Variants in EMCN observed in about 807,000 individuals in gnomAD.
The protein encoded by EMCN is MUC-14.
In EMCN, 37 loss-of-function variants were observed where a neutral mutation model predicts 38.4. The ratio of observed to expected loss-of-function variants is 0.96; its 90% CI spans 0.74 to 1.27. The LOEUF (loss-of-function observed/expected upper bound fraction) is 1.27. Among genes scored for constraint, EMCN ranks in the 50% most tolerant of loss-of-function variants. EMCN has a pLI of 0.00. For synonymous variants in EMCN, 95 were observed against 100.8 expected, an observed-to-expected ratio of 0.94 and a Z score of 0.35; for missense variants, 318 against 302.8, an observed-to-expected ratio of 1.05 and a Z score of -0.37.
chr4:100,414,969 T>C (rs764246185), intron 10 of EMCN, among the ~76,000 whole-genome samples: 36 of 152,150 alleles, frequency 2.4e-4, no homozygotes, highest in Non-Finnish European at 3.5e-4. Flanking sequence ...CGTGGCACGA[T>C]CTTGCAGCTT....
chr4:100,515,460 C>G (rs558255952), intron 1 of EMCN, among the ~76,000 whole-genome samples: 3 of 152,066 alleles, frequency 2.0e-5, no homozygotes, highest in Non-Finnish European at 4.4e-5. Context: ...AACTCACTGA[C>G]TGTGATGTAG....
At chr4:100,409,596 T>C (rs1726492600) in intron 11 of EMCN, among the ~76,000 whole-genome samples, 1 of 152,228 alleles carries the variant, frequency 6.6e-6, no homozygotes, top group South Asian at 2.1e-4. Flanking sequence ...TGGAGGGCTC[T>C]GTTGCTTGGC....
intron 5 of EMCN, among the ~76,000 whole-genome samples, chr4:100,446,422 A>C (rs1382323425): frequency 6.6e-6 from 1 of 152,156 alleles, no homozygotes; most frequent in East Asian, 1.9e-4. Flanking sequence ...AAATTCCTTG[A>C]ACACAAGAGG....
At chr4:100,493,846 G>A (rs1418862475) in intron 1 of EMCN, among the ~76,000 whole-genome samples, 2 of 152,140 alleles carry the variant, frequency 1.3e-5, no homozygotes, top group Non-Finnish European at 2.9e-5. Context: ...TAGCATCACA[G>A]GACAAATCCA....
chr4:100,453,384 A>T (rs1255383735), intron 4 of EMCN, among the ~76,000 whole-genome samples: 1 of 152,236 alleles, frequency 6.6e-6, no homozygotes, highest in Non-Finnish European at 1.5e-5. Flanking sequence ...CACTTCTCAA[A>T]AGAAGACATT....
At position 100,397,940 on chromosome 4, in the gene EMCN, G is replaced by C. The variant is rs547549635; in HGVS notation, c.*473C>G. On this transcript the variant is annotated 3_prime_UTR_variant, in exon 12 of 12. Coordinates refer to ENST00000296420, the MANE Select transcript of EMCN (RefSeq NM_016242.4). ...TTCTACCTAATATTTAATAATACAC[G>C]TGCAACTTTTCCCTGCATTAACATA... 6 of 151,676 alleles carry C rather than the reference G, an allele frequency of 4.0e-5. No homozygotes were observed. Among genetic ancestry groups the C allele is most frequent in the African/African-American group, 1.5e-4 (6 of 41,254 alleles). 9.4% of individuals were successfully genotyped at this position (151,676 alleles called of 1,614,324 possible).
intron 3 of EMCN, among the ~76,000 whole-genome samples, chr4:100,466,488 A>G (rs1728319699): frequency 2.0e-5 from 3 of 152,250 alleles, no homozygotes; most frequent in Admixed American, 2.0e-4. Context: ...CATTTGCAAG[A>G]AGACTTCATA....
intron 1 of EMCN, among the ~76,000 whole-genome samples, chr4:100,498,716 AC>A (rs1296839706): frequency 6.6e-6 from 1 of 152,206 alleles, no homozygotes; most frequent in African/African-American, 2.4e-5. Flanking sequence ...TGCTGGGAGT[AC>A]AGGCGTGAGC....
intron 5 of EMCN, among the ~76,000 whole-genome samples, chr4:100,424,746 CT>C (rs1201227310): frequency 6.6e-6 from 1 of 151,932 alleles, no homozygotes; most frequent in East Asian, 1.9e-4. Context: ...AACCTTGGTA[CT>C]TTCAGCTGCC....
intron 9 of EMCN, 132 bp from the exon 10 acceptor site, chr4:100,416,091 CGT>C (rs1553926597): frequency 2.2e-3 from 1,046 of 468,110 alleles, no homozygotes; most frequent in East Asian, 2.6e-3. Flanking sequence ...TATATATATA[CGT>C]GTGTGTGTGT....
chr4:100,503,976 A>G (rs1331908025), intron 1 of EMCN, among the ~76,000 whole-genome samples: 4 of 152,228 alleles, frequency 2.6e-5, no homozygotes, highest in Admixed American at 6.5e-5. Context: ...AGAAGATGGG[A>G]AAAATAACCA....
At chr4:100,516,371 G>A (rs1407361604) in intron 1 of EMCN, among the ~76,000 whole-genome samples, 1 of 151,796 alleles carries the variant, frequency 6.6e-6, no homozygotes, top group African/African-American at 2.4e-5. Context: ...TATTGCACTC[G>A]TCGATGCTTG....
At chr4:100,402,346 A>G (rs1726281887) in intron 11 of EMCN, among the ~76,000 whole-genome samples, 1 of 152,124 alleles carries the variant, frequency 6.6e-6, no homozygotes, top group Non-Finnish European at 1.5e-5. Context: ...TGATTTCTGT[A>G]TTACTGTTTG....
At chr4:100,498,943 G>T (rs1225839031) in intron 1 of EMCN, among the ~76,000 whole-genome samples, 1 of 151,702 alleles carries the variant, frequency 6.6e-6, no homozygotes, top group African/African-American at 2.4e-5. Context: ...AGTATGCTTT[G>T]CAGGTATGTT....
chr4:100,480,109 A>G (rs1265646935), intron 1 of EMCN, 70 bp from the exon 2 acceptor site: 45 of 1,339,138 alleles, frequency 3.4e-5, no homozygotes, highest in Non-Finnish European at 4.5e-5. Context: ...GTATATTTAA[A>G]CAAGTGTACT....
chr4:100,501,868 A>G (rs1375258667), intron 1 of EMCN, among the ~76,000 whole-genome samples: 2 of 147,282 alleles, frequency 1.4e-5, no homozygotes, highest in Non-Finnish European at 3.0e-5. Flanking sequence ...TTTTTTTTTG[A>G]TAAGTTCTCA....
Position 100,441,649 on chromosome 4 carries a change from A to T in EMCN, c.415+5884T>A, listed in dbSNP as rs78631671. Among the ~76,000 whole-genome samples the T allele has an allele frequency of 9.8e-3, 1,491 of 152,044 alleles. 24 individuals are homozygous for T. The highest frequency in any genetic ancestry group is 0.034 in the African/African-American group (1,409 of 41,456). ...GTTAATCCTTGATTCTTTTCTCTTT[A>T]TCATTTATATACCTGCTGTAGTTTC... On this transcript the variant is annotated intron_variant, in intron 5 of 11. Coordinates refer to ENST00000296420, the MANE Select transcript of EMCN (RefSeq NM_016242.4).
intron 5 of EMCN, among the ~76,000 whole-genome samples, chr4:100,424,197 A>C (rs911377411): frequency 5.3e-5 from 8 of 152,160 alleles, no homozygotes; most frequent in Non-Finnish European, 1.0e-4. Context: ...AGTTGAAAAC[A>C]TTTATTCTTG....
chr4:100,415,967 A>G lies in EMCN; in HGVS notation c.690-8T>C, dbSNP rs1428640801. The G allele has an allele frequency of 6.7e-7, 1 of 1,487,928 alleles. No individual in the cohort carries two copies. Among genetic ancestry groups the G allele is most frequent in the Non-Finnish European group, 9.1e-7 (1 of 1,097,896 alleles). The allele number at this position is 1,487,928 out of a possible 1,614,324, so 92.2% of individuals were successfully genotyped here. Reference sequence around the variant, plus strand: ...TCTTTATCAGACTGAGGTCTATTTGAAAAAAAAAACATGAAATTAACACCA... The same window carrying G: ...TCTTTATCAGACTGAGGTCTATTTGGAAAAAAAAACATGAAATTAACACCA... On this transcript the variant is annotated splice_polypyrimidine_tract_variant and splice_region_variant and intron_variant, in intron 9 of 11. Coordinates refer to ENST00000296420, the MANE Select transcript of EMCN (RefSeq NM_016242.4).
Sources: allele counts gnomAD v4.1 joint callset (sites outside exome capture counted in the v4.1 genomes callset), GRCh38; gene constraint gnomAD v4.1.1; transcripts MANE v1.5; gene names NCBI Gene and HGNC (gene_info 2026-07-23, HGNC 2026-07-21).